Variants in STOX2 observed in about 807,000 individuals in gnomAD.
STOX2 encodes the protein storkhead box 2, also known as storkhead-box protein 2.
In STOX2, 28 loss-of-function variants were observed where a neutral mutation model predicts 60.9. The ratio of observed to expected loss-of-function variants is 0.46; its 90% CI spans 0.34 to 0.63. The LOEUF (loss-of-function observed/expected upper bound fraction) is 0.63. Ranked by LOEUF, STOX2 falls within the 30% of genes least tolerant of loss-of-function variation. The pLI is 0.01. For synonymous variants in STOX2, 472 were observed against 463.9 expected, an observed-to-expected ratio of 1.02 and a Z score of -0.22; for missense variants, 1,024 against 1,187.7, an observed-to-expected ratio of 0.86 and a Z score of 2.03.
intron 1 of STOX2, among the ~76,000 whole-genome samples, chr4:183,958,546 T>A (rs1743323564): frequency 6.6e-6 from 1 of 152,178 alleles, no homozygotes; most frequent in South Asian, 2.1e-4. Context: ...TTTCATGACT[T>A]ATCTGCTTTC....
intron 1 of STOX2, among the ~76,000 whole-genome samples, chr4:183,861,120 T>G (rs895217286): frequency 2.0e-5 from 3 of 152,150 alleles, no homozygotes; most frequent in Admixed American, 2.0e-4. Flanking sequence ...CTTCTTTCTC[T>G]CCAGATCGCT....
chr4:183,931,190 G>A (rs1338290776), intron 1 of STOX2, among the ~76,000 whole-genome samples: 3 of 152,128 alleles, frequency 2.0e-5, no homozygotes, highest in Non-Finnish European at 2.9e-5. Flanking sequence ...TTGGGAGGCC[G>A]AGGCAGGCAG....
intron 1 of STOX2, among the ~76,000 whole-genome samples, chr4:183,943,352 C>T (rs1357652788): frequency 2.0e-5 from 3 of 152,018 alleles, no homozygotes; most frequent in African/African-American, 7.3e-5. Context: ...TATGAATTTG[C>T]ATAGTTTTTC....
In STOX2 at chr4:184,019,804, G is replaced by A. The variant is rs532173070; in HGVS notation, c.*2520G>A. ...CTGATCGAGATTCTTGAATGGGGGA[G>A]GAGTGGCAGCCGGCAGCACATTGCA... is the stretch of plus-strand genomic sequence containing the variant. On this transcript the variant is annotated 3_prime_UTR_variant, in exon 4 of 4. Transcript: ENST00000308497. 3 of 152,290 alleles carry A rather than the reference G, an allele frequency of 2.0e-5. No individual in the cohort carries two copies. Among genetic ancestry groups the A allele is most frequent in the African/African-American group, 7.2e-5 (3 of 41,560 alleles). The allele number at this position is 152,290 out of a possible 1,614,324, so 9.4% of individuals were successfully genotyped here.
Position 183,856,991 on chromosome 4 carries a change from A to G in STOX2, c.364+58936A>G, listed in dbSNP as rs1166578541. On this transcript the variant is annotated intron_variant, in intron 1 of 2. Transcript: ENST00000513034. The surrounding 1 kb of genome is among the most constrained non-coding windows in gnomAD (Gnocchi z 4.0). ...GGATAATTAGATTAAATTGTGTGGT[A>G]GAGGCTGGGAGGGGTTTGGAGGGGT... is the stretch of plus-strand genomic sequence containing the variant. Among the ~76,000 whole-genome samples, 1 of 152,084 alleles carries G rather than the reference A, an allele frequency of 6.6e-6. No individual in the cohort carries two copies. The highest frequency in any genetic ancestry group is 1.5e-5 in the Non-Finnish European group (1 of 68,016).
intron 1 of STOX2, among the ~76,000 whole-genome samples, chr4:183,953,964 C>T (rs1279459008): frequency 3.9e-5 from 6 of 152,200 alleles, no homozygotes; most frequent in East Asian, 1.9e-4. Context: ...TAGATGTATG[C>T]GACATGAGTG....
intron 1 of STOX2, among the ~76,000 whole-genome samples, chr4:183,971,324 G>A (rs767476520): frequency 9.2e-5 from 14 of 152,200 alleles, no homozygotes; most frequent in Middle Eastern, 3.2e-3. Context: ...TGTGTGTGAC[G>A]TGGATAGGAG....
intron 1 of STOX2, among the ~76,000 whole-genome samples, chr4:183,859,441 G>C (rs921066879): frequency 1.3e-5 from 2 of 152,246 alleles, no homozygotes; most frequent in African/African-American, 4.8e-5. Flanking sequence ...AGCTCAGCTG[G>C]CAGTGACCAA....
rs183284050 is a variant in STOX2, at chr4:183,883,180, T to C, written c.364+85125T>C. Among the ~76,000 whole-genome samples the C allele has an allele frequency of 2.0e-5, 3 of 152,264 alleles. No homozygotes were observed. The South Asian group carries it at 6.2e-4, about 32-fold the overall frequency. ...CAAATCTAGACATCATATTAATTCA[T>C]CCATAAATATTTCAGCATGTAGCTC... On this transcript the variant is annotated intron_variant, in intron 1 of 2. Coordinates refer to the STOX2 transcript ENST00000513034.
intron 1 of STOX2, among the ~76,000 whole-genome samples, chr4:183,876,278 T>C (rs904546483): frequency 6.6e-6 from 1 of 152,144 alleles, no homozygotes; most frequent in Non-Finnish European, 1.5e-5. Flanking sequence ...GGTCCCAAGC[T>C]CTTGGCAGCC....
intron 1 of STOX2, among the ~76,000 whole-genome samples, chr4:183,843,062 T>C (rs375237563): frequency 1.0e-3 from 156 of 149,422 alleles, no homozygotes; most frequent in African/African-American, 3.6e-3. Flanking sequence ...GGCAGAGAAT[T>C]GCTTGAACCC....
chr4:183,950,623 C>T (rs549580724), intron 1 of STOX2, among the ~76,000 whole-genome samples: 2 of 152,102 alleles, frequency 1.3e-5, no homozygotes, highest in Non-Finnish European at 2.9e-5. Flanking sequence ...ATCACTGTAC[C>T]GAGGGGCTGG....
chr4:183,855,389 C>T (rs1055755048), intron 1 of STOX2, among the ~76,000 whole-genome samples: 5 of 152,168 alleles, frequency 3.3e-5, no homozygotes, highest in Non-Finnish European at 7.3e-5. Flanking sequence ...GGCCGTGAGC[C>T]TTTCTGGACT....
rs1216360688 is a variant in STOX2 at position 184,022,908 on chromosome 4, A to T, written c.*5624A>T. 2 of 152,214 alleles carry T rather than the reference A, an allele frequency of 1.3e-5. No individual in the cohort carries two copies. Among genetic ancestry groups the T allele is most frequent in the African/African-American group, 4.8e-5 (2 of 41,442 alleles). The allele number at this position is 152,214 out of a possible 1,614,324, so 9.4% of individuals were successfully genotyped here. A position where few individuals can be genotyped will look rare whatever the true frequency, so the allele number is the denominator to read the frequency against. The stretch of plus-strand genomic sequence containing the variant: ...ATAGAGCTGCCCTAGGGTCACCTTC[A>T]TGCAAGTATTGACAGCTACAAATTA... On this transcript the variant is annotated 3_prime_UTR_variant, in exon 4 of 4. Transcript: ENST00000308497.
chr4:184,008,713 T>C (rs191242814), intron 2 of STOX2, among the ~76,000 whole-genome samples: 1 of 152,360 alleles, frequency 6.6e-6, no homozygotes, highest in Admixed American at 6.5e-5. Flanking sequence ...GTAGCCTCCA[T>C]ATATGTTAGA....
intron 1 of STOX2, among the ~76,000 whole-genome samples, chr4:183,932,748 C>T (rs115654471): frequency 2.8e-4 from 43 of 152,170 alleles, no homozygotes; most frequent in Middle Eastern, 3.4e-3. Context: ...GTTGAAGCAG[C>T]TGAAGTTTGG....
chr4:183,980,057 A>C (rs562424839), intron 1 of STOX2, among the ~76,000 whole-genome samples: 1 of 152,348 alleles, frequency 6.6e-6, no homozygotes, highest in East Asian at 1.9e-4. Flanking sequence ...ATAATTGTAT[A>C]ATCACTGTGA....
intron 1 of STOX2, among the ~76,000 whole-genome samples, chr4:183,969,653 G>GTGTC (rs985106659): frequency 6.6e-5 from 10 of 150,910 alleles, no homozygotes; most frequent in Non-Finnish European, 1.3e-4. Flanking sequence ...GGATCTTACT[G>GTGTC]TGTCACCCAA....
chr4:183,907,519 A>G (rs1234789017), intron 1 of STOX2, among the ~76,000 whole-genome samples: 1 of 152,208 alleles, frequency 6.6e-6, no homozygotes, highest in Non-Finnish European at 1.5e-5. Context: ...GAATGCTCAC[A>G]TGATTCTGTG....
Sources: allele counts gnomAD v4.1 joint callset (sites outside exome capture counted in the v4.1 genomes callset), GRCh38; gene constraint gnomAD v4.1.1; non-coding constraint Gnocchi (gnomAD v3.1); transcripts MANE v1.5; gene names NCBI Gene and HGNC (gene_info 2026-07-23, HGNC 2026-07-21).